SDK1: variants seen among roughly 807,000 people sequenced by gnomAD.
SDK1 encodes sidekick cell adhesion molecule 1, also known as protein sidekick-1.
SDK1 carries 157 observed loss-of-function variants against 245.5 expected under a neutral mutation model. That is an observed-to-expected ratio of 0.64 (90% confidence interval 0.56 to 0.73). SDK1 has a LOEUF of 0.73. Ranked by LOEUF, SDK1 falls within the 30% of genes least tolerant of loss-of-function variation. The probability of loss-of-function intolerance (pLI) is 0.00; values close to 1 mark genes in which losing one functional copy is unlikely to be tolerated. For missense variants in SDK1, 3,583 were observed against 3,002.3 expected, an observed-to-expected ratio of 1.19 and a Z score of -4.52; for synonymous variants, 1,647 against 1,278.5, an observed-to-expected ratio of 1.29 and a Z score of -6.15.
chr7:4,175,881 T>C (rs1782177663), intron 34 of SDK1, 47 bp downstream of exon 34: 2 of 1,548,642 alleles, frequency 1.3e-6, no homozygotes, highest in Non-Finnish European at 8.9e-7. Flanking sequence ...GCGCACACAC[T>C]GTGCCCAGAG....
At chr7:3,673,043 G>C (rs192842584) in intron 4 of SDK1, among the ~76,000 whole-genome samples, 2,331 of 151,498 alleles carry the variant, frequency 0.015, 29 homozygotes, top group Middle Eastern at 0.038. Context: ...AGCAGCTCTT[G>C]CTGATAGTAA....
chr7:4,146,399 T>C (rs984360868), intron 29 of SDK1, among the ~76,000 whole-genome samples: 4 of 148,958 alleles, frequency 2.7e-5, no homozygotes, highest in African/African-American at 5.0e-5. Context: ...ATGTGAGCAT[T>C]TCGTGACACA....
chr7:4,089,396 C>T (rs1781644988), intron 22 of SDK1, among the ~76,000 whole-genome samples: 2 of 152,242 alleles, frequency 1.3e-5, no homozygotes, highest in South Asian at 2.1e-4. Flanking sequence ...TCTGCATCTC[C>T]GCTGAGGGTC....
At chr7:3,351,868 G>C (rs1233285062) in intron 1 of SDK1, among the ~76,000 whole-genome samples, 1 of 152,056 alleles carries the variant, frequency 6.6e-6, no homozygotes, top group African/African-American at 2.4e-5. Flanking sequence ...TAAAGAACAT[G>C]ATCAATGAAC....
intron 36 of SDK1, 57 bp downstream of exon 36, chr7:4,206,051 G>A (rs901791313): frequency 1.6e-5 from 19 of 1,173,914 alleles, no homozygotes; most frequent in Middle Eastern, 2.0e-4. Context: ...CCTCGTTCAC[G>A]TGGTCCTGCC....
intron 1 of SDK1, chr7:3,302,275 G>A (rs1409959264): frequency 6.6e-6 from 1 of 152,252 alleles, no homozygotes; most frequent in Non-Finnish European, 1.5e-5. Flanking sequence ...GTGACATCCA[G>A]AAGACTTGGA....
In SDK1 at chr7:3,623,645, G is replaced by A. The variant is rs563089970; in HGVS notation, c.458+4406G>A. ...TCAGCAATTAAACTAAGTTTGCATA[G>A]ATATCTTAGGTGGATTTGTATTCTT... On this transcript the variant is annotated intron_variant, in intron 2 of 44. Transcript: ENST00000404826. Among the ~76,000 whole-genome samples the A allele has an allele frequency of 3.9e-5, 6 of 152,242 alleles. No individual in the cohort carries two copies. The South Asian group carries it at 1.2e-3, about 32-fold the overall frequency.
chr7:4,021,574 C>T (rs1341436481), intron 17 of SDK1, among the ~76,000 whole-genome samples: 4 of 152,202 alleles, frequency 2.6e-5, no homozygotes, highest in East Asian at 3.8e-4. Flanking sequence ...TTGGCTGCCA[C>T]TTTAGCACGT....
At chr7:3,469,686 C>G (rs944949797) in intron 1 of SDK1, among the ~76,000 whole-genome samples, 1 of 152,132 alleles carries the variant, frequency 6.6e-6, no homozygotes, top group Admixed American at 6.5e-5. Context: ...TAAGGATTTT[C>G]TGAGCAGTTT....
chr7:4,248,622 A>G (rs1787073091), intron 44 of SDK1, among the ~76,000 whole-genome samples: 1 of 152,008 alleles, frequency 6.6e-6, no homozygotes, highest in Admixed American at 6.5e-5. Flanking sequence ...GCACATACCT[A>G]AATACACACA....
intron 4 of SDK1, 85 bp downstream of exon 4, chr7:3,642,190 G>A: frequency 3.8e-6 from 5 of 1,326,310 alleles, no homozygotes; most frequent in Admixed American, 2.2e-5. Context: ...TACCAATTAA[G>A]GTTACCGATG....
chr7:4,075,345 A>T (rs1050801891), intron 20 of SDK1, among the ~76,000 whole-genome samples: 1 of 152,144 alleles, frequency 6.6e-6, no homozygotes. Flanking sequence ...TTTTTTTCAA[A>T]ATATAAAGTC....
At chr7:3,655,497 A>T (rs192196419) in intron 4 of SDK1, among the ~76,000 whole-genome samples, 1 of 64,138 alleles carries the variant, frequency 1.6e-5, no homozygotes, top group African/African-American at 4.5e-5. Flanking sequence ...ATATATATAT[A>T]TATATATGTA....
At chr7:3,643,777 C>G (rs891366366) in intron 4 of SDK1, 2 of 151,910 alleles carry the variant, frequency 1.3e-5, no homozygotes, top group African/African-American at 2.4e-5. Flanking sequence ...CCACCCCCAC[C>G]TGAGCATCTG....
intron 5 of SDK1, among the ~76,000 whole-genome samples, chr7:3,859,966 C>G (rs1055492743): frequency 3.3e-5 from 5 of 151,646 alleles, no homozygotes; most frequent in South Asian, 2.1e-4. Context: ...GTCGCCCAGG[C>G]TAGAGTGCAG....
intron 2 of SDK1, among the ~76,000 whole-genome samples, chr7:3,631,377 A>G (rs1219361050): frequency 6.6e-6 from 1 of 152,186 alleles, no homozygotes; most frequent in Admixed American, 6.5e-5. Context: ...ACTCCCATCT[A>G]CATCTTCGTG....
At chr7:3,994,265 C>T (rs1784545439) in intron 14 of SDK1, among the ~76,000 whole-genome samples, 1 of 152,178 alleles carries the variant, frequency 6.6e-6, no homozygotes, top group South Asian at 2.1e-4. Flanking sequence ...ACATCTACAC[C>T]TCCATGTCCC....
chr7:4,177,755 C>T (rs625814), intron 34 of SDK1, among the ~76,000 whole-genome samples: 97,705 of 151,596 alleles, frequency 0.64, 31,976 homozygotes, highest in East Asian at 0.72. Context: ...ACTTTATTTC[C>T]ATTATTAGTA....
At chr7:3,641,101 C>A (rs1377975403) in intron 3 of SDK1, among the ~76,000 whole-genome samples, 1 of 151,822 alleles carries the variant, frequency 6.6e-6, no homozygotes, top group Non-Finnish European at 1.5e-5. Flanking sequence ...TCATCTTTTC[C>A]CTCAAGTATT....
Sources: gnomAD v4.1 joint callset for allele counts (sites outside exome capture counted in the v4.1 genomes callset) on GRCh38, gnomAD v4.1.1 for gene constraint, MANE v1.5 for transcripts, NCBI Gene and HGNC (gene_info 2026-07-23, HGNC 2026-07-21) for gene names.